Variants in CSMD1 observed in about 807,000 individuals in gnomAD.
CSMD1 encodes the protein CUB and Sushi multiple domains 1, also known as CUB and sushi domain-containing protein 1.
CSMD1 carries 213 observed loss-of-function variants against 417.5 expected under a neutral mutation model. The observed-to-expected ratio is 0.51, with a 90% confidence interval of 0.46 to 0.57. CSMD1 has a LOEUF of 0.57. Among genes scored for constraint, CSMD1 ranks in the 20% least tolerant of loss-of-function variants. CSMD1 has a pLI of 0.00. For synonymous variants in CSMD1, 2,862 were observed against 1,736.8 expected (o/e 1.65, Z -16.11); for missense variants, 6,923 against 4,529.7 (o/e 1.53, Z -15.17).
At chr8:3,472,993 A>T (rs1817192645) in intron 11 of CSMD1, among the ~76,000 whole-genome samples, 2 of 152,036 alleles carry the variant, frequency 1.3e-5, no homozygotes, top group Non-Finnish European at 2.9e-5. Context: ...CCACCCCACC[A>T]AAGTAGGCTC....
At chr8:4,576,825 A>G (rs1418283394) in intron 2 of CSMD1, among the ~76,000 whole-genome samples, 1 of 98,524 alleles carries the variant, frequency 1.0e-5, no homozygotes, top group Non-Finnish European at 2.3e-5. Flanking sequence ...TACTTAAAAC[A>G]AACTATTTTA....
intron 3 of CSMD1, among the ~76,000 whole-genome samples, chr8:4,251,523 T>C (rs765310705): frequency 2.6e-5 from 4 of 152,132 alleles, no homozygotes; most frequent in Non-Finnish European, 5.9e-5. Context: ...TCAAAATAAA[T>C]AGCCTAAATG....
intron 3 of CSMD1, among the ~76,000 whole-genome samples, chr8:4,147,464 T>C (rs1796310635): frequency 6.6e-6 from 1 of 152,116 alleles, no homozygotes; most frequent in South Asian, 2.1e-4. Context: ...CTCATTTCAA[T>C]ACCCTACATG....
intron 25 of CSMD1, among the ~76,000 whole-genome samples, chr8:3,293,053 G>C (rs375870982): frequency 8.6e-5 from 13 of 152,014 alleles, no homozygotes; most frequent in Non-Finnish European, 1.2e-4. Context: ...ATTTGCTTGT[G>C]TGTAAAGTAT....
At chr8:4,922,283 T>C (rs1367494352) in intron 1 of CSMD1, among the ~76,000 whole-genome samples, 1 of 152,184 alleles carries the variant, frequency 6.6e-6, no homozygotes. Context: ...TTTAAAGGTA[T>C]AAATAGGCAT....
chr8:3,593,387 G>C (rs948180845), intron 8 of CSMD1, among the ~76,000 whole-genome samples: 1 of 152,196 alleles, frequency 6.6e-6, no homozygotes, highest in Non-Finnish European at 1.5e-5. Context: ...AGAAGGTCAA[G>C]CCCATGAGCC....
At chr8:3,311,319 G>A (rs372512041) in intron 23 of CSMD1, among the ~76,000 whole-genome samples, 5 of 151,914 alleles carry the variant, frequency 3.3e-5, no homozygotes, top group African/African-American at 9.7e-5. Flanking sequence ...GCATGATCTC[G>A]GCTCACTGCA....
chr8:4,456,666 C>T (rs1296613868), intron 2 of CSMD1, among the ~76,000 whole-genome samples: 2 of 152,152 alleles, frequency 1.3e-5, no homozygotes, highest in South Asian at 2.1e-4. Flanking sequence ...TCCAACCAAT[C>T]ATCTGATCTG....
chr8:3,205,278 G>A (rs1304134411), intron 31 of CSMD1, among the ~76,000 whole-genome samples: 1 of 152,100 alleles, frequency 6.6e-6, no homozygotes, highest in African/African-American at 2.4e-5. Flanking sequence ...TGATTATTTC[G>A]GATCATAACC....
chr8:3,301,666 C>G (rs182601466), intron 25 of CSMD1, among the ~76,000 whole-genome samples: 6 of 152,178 alleles, frequency 3.9e-5, no homozygotes, highest in African/African-American at 7.2e-5. Context: ...GTCCTGAAGT[C>G]GAAAGTATCC....
chr8:3,917,500 A>C (rs758725661), intron 5 of CSMD1, among the ~76,000 whole-genome samples: 6 of 152,176 alleles, frequency 3.9e-5, no homozygotes, highest in Non-Finnish European at 8.8e-5. Context: ...TTAAAAGATA[A>C]ACATAAAAAA....
At chr8:3,198,717 A>G (rs934823565) in intron 33 of CSMD1, among the ~76,000 whole-genome samples, 1 of 152,194 alleles carries the variant, frequency 6.6e-6, no homozygotes, top group African/African-American at 2.4e-5. Context: ...AGATGATTAG[A>G]AACGATTGAT....
rs1328903849 is a variant in CSMD1 at position 2,962,534 on chromosome 8, A to G, written c.9560T>C (p.Leu3187Pro). Reference sequence around the variant, plus strand: ...GCAGACTCTTCTGGAGGATCCCACGAGTATAAATGGAGATTTGCACTGGAA... The same window carrying G: ...GCAGACTCTTCTGGAGGATCCCACGGGTATAAATGGAGATTTGCACTGGAA... ...VFFQCKSPFI[L>P]VGSSRRVCQA... Residue 3187 changes from leucine (L) to proline (P), a missense_variant, in exon 61 of 70, where the codon CTC (leucine) becomes CCC (proline). Coordinates refer to ENST00000635120, the MANE Select transcript of CSMD1 (RefSeq NM_033225.6). 2.5e-6 allele frequency: 4 copies of G among 1,613,814 alleles called. No homozygotes were observed. The Admixed American group carries it at 6.7e-5, about 27-fold the overall frequency.
rs116119151 is a variant in CSMD1, at chr8:4,862,557, G to C, written c.85+131775C>G. Among the ~76,000 whole-genome samples the C allele has an allele frequency of 4.1e-3, 619 of 152,136 alleles. 11 individuals are homozygous for C. Among genetic ancestry groups the C allele is most frequent in the African/African-American group, 0.014 (588 of 41,458 alleles). Reference sequence around the variant, plus strand: ...TAGTGGAGGTGGTAAGAAGAGACTAGATCGTGGATATATTTTGATGTTAGA... The same window carrying C: ...TAGTGGAGGTGGTAAGAAGAGACTACATCGTGGATATATTTTGATGTTAGA... On this transcript the variant is annotated intron_variant, in intron 1 of 69. Transcript: ENST00000635120.
intron 23 of CSMD1, among the ~76,000 whole-genome samples, chr8:3,335,647 G>A (rs553065949): frequency 6.6e-6 from 1 of 152,284 alleles, no homozygotes; most frequent in South Asian, 2.1e-4. Flanking sequence ...TTGCACTCCA[G>A]CCTGGGTGAC....
At chr8:4,132,721 T>A (rs2680625) in intron 3 of CSMD1, among the ~76,000 whole-genome samples, 1 of 152,162 alleles carries the variant, frequency 6.6e-6, no homozygotes, top group Admixed American at 6.5e-5. Flanking sequence ...TCCGCTGTCA[T>A]GTGTGAATCA....
intron 41 of CSMD1, chr8:3,127,660 C>G (rs1817578839): frequency 6.6e-6 from 1 of 150,778 alleles, no homozygotes; most frequent in Non-Finnish European, 1.5e-5. Context: ...GCACACATAG[C>G]AAAAGGAAGA....
intron 12 of CSMD1, among the ~76,000 whole-genome samples, chr8:3,468,380 T>G (rs369704845): frequency 6.6e-6 from 1 of 152,162 alleles, no homozygotes. Flanking sequence ...TTTGCTCACA[T>G]AAAAGAAGGT....
At chr8:4,219,046 C>G (rs1327543851) in intron 3 of CSMD1, among the ~76,000 whole-genome samples, 1 of 152,154 alleles carries the variant, frequency 6.6e-6, no homozygotes, top group Non-Finnish European at 1.5e-5. Context: ...CTAAAATGGT[C>G]ATACGTTAGA....
Sources: gnomAD v4.1 joint callset for allele counts (sites outside exome capture counted in the v4.1 genomes callset) on GRCh38, gnomAD v4.1.1 for gene constraint, MANE v1.5 for transcripts, NCBI Gene and HGNC (gene_info 2026-07-23, HGNC 2026-07-21) for gene names.